LIPA: variants seen among roughly 807,000 people sequenced by gnomAD.
LIPA encodes lipase A, lysosomal acid type.
LIPA carries 26 observed loss-of-function variants against 40.6 expected under a neutral mutation model. The observed-to-expected ratio is 0.64, with a 90% confidence interval of 0.47 to 0.89. The LOEUF (loss-of-function observed/expected upper bound fraction) is 0.89. LIPA is among the 40% of genes least tolerant of loss of function. The probability of loss-of-function intolerance (pLI) is 0.00; values close to 1 mark genes in which losing one functional copy is unlikely to be tolerated. For synonymous variants in LIPA, 188 were observed against 168.4 expected, an observed-to-expected ratio of 1.12 and a Z score of -0.90; for missense variants, 455 against 479.6, an observed-to-expected ratio of 0.95 and a Z score of 0.48.
At chr10:89,377,716 A>G (rs1166130924) in intron 2 of LIPA, among the ~76,000 whole-genome samples, 1 of 152,208 alleles carries the variant, frequency 6.6e-6, no homozygotes, top group African/African-American at 2.4e-5. Flanking sequence ...GATACATGTG[A>G]TAGTAACAAG....
chr10:89,285,189 C>A, intron 1 of LIPA: 1 of 159,906 alleles, frequency 6.3e-6, no homozygotes, highest in Non-Finnish European at 1.3e-5. Context: ...CTCTTTGTTC[C>A]AAGAGAAAGA....
chr10:89,368,926 T>TCACACACACACACACACACA (rs3063812), intron 2 of LIPA, among the ~76,000 whole-genome samples: 5 of 148,704 alleles, frequency 3.4e-5, no homozygotes, highest in African/African-American at 1.2e-4. Flanking sequence ...AACACAAAAC[T>TCACACACACACACACACACA]CACACACACA....
chr10:89,322,252 A>G (rs751141795), intron 1 of LIPA, among the ~76,000 whole-genome samples: 1 of 152,140 alleles, frequency 6.6e-6, no homozygotes, highest in South Asian at 2.1e-4. Flanking sequence ...CGGGGTTAAG[A>G]TGGTAAACTA....
At chr10:89,262,896 T>A (rs1335747901) in intron 1 of LIPA, among the ~76,000 whole-genome samples, 1 of 152,256 alleles carries the variant, frequency 6.6e-6, no homozygotes, top group African/African-American at 2.4e-5. Context: ...TGACAATCAC[T>A]TTTTGTGAAG....
At chr10:89,310,857 C>T (rs574004035) in intron 1 of LIPA, among the ~76,000 whole-genome samples, 14 of 152,168 alleles carry the variant, frequency 9.2e-5, no homozygotes, top group Non-Finnish European at 1.9e-4. Flanking sequence ...TACAAATAGA[C>T]CCCAGAGCCT....
In LIPA at chr10:89,222,558, G is replaced by A. The variant is rs1842713812; in HGVS notation, c.847C>T (p.His283Tyr). Residue 283 changes from histidine (H) to tyrosine (Y), a missense_variant, in exon 8 of 10, where the codon CAT (histidine) becomes TAT (tyrosine). His to Tyr is a moderately conservative substitution (Grantham distance 83, BLOSUM62 2). Coordinates refer to ENST00000336233, the MANE Select transcript of LIPA (RefSeq NM_000235.4). The stretch of plus-strand genomic sequence containing the variant: ...TGCACAGAAGTTCCAGCAGGAGAAT[G>A]TGTTGTATATACATCCACTCTAGAC... ...NMSRVDVYTT[H>Y]SPAGTSVQNM... is the part of the protein sequence containing the mutation. The A allele has an allele frequency of 1.9e-6, 3 of 1,607,842 alleles. No homozygotes were observed. The highest frequency in any genetic ancestry group is 2.6e-6 in the Non-Finnish European group (3 of 1,174,242).
intron 3 of LIPA, among the ~76,000 whole-genome samples, chr10:89,229,354 A>C (rs1349997527): frequency 1.3e-5 from 2 of 152,230 alleles, no homozygotes; most frequent in East Asian, 3.8e-4. Context: ...AGACAGAGTA[A>C]AGAGGATTTT....
intron 1 of LIPA, among the ~76,000 whole-genome samples, chr10:89,282,024 G>A (rs60918860): frequency 0.023 from 3,506 of 152,242 alleles, 163 homozygotes; most frequent in African/African-American, 0.079. Flanking sequence ...TGCTGTTGAT[G>A]AGGCAAGAGT....
intron 1 of LIPA, among the ~76,000 whole-genome samples, chr10:89,309,963 G>A (rs138447995): frequency 4.6e-5 from 7 of 152,104 alleles, no homozygotes; most frequent in African/African-American, 7.2e-5. Context: ...TCATGAACCC[G>A]TTTATCAGAG....
intron 1 of LIPA, among the ~76,000 whole-genome samples, chr10:89,262,829 C>G (rs1253104224): frequency 6.6e-6 from 1 of 152,236 alleles, no homozygotes. Flanking sequence ...ATTCCAAACT[C>G]TTTCCTCACA....
intron 1 of LIPA, chr10:89,307,596 C>T (rs1180058792): frequency 4.5e-6 from 2 of 442,924 alleles, no homozygotes; most frequent in African/African-American, 1.9e-5. Flanking sequence ...GGTCCACGGG[C>T]TTGGTGATAG....
chr10:89,394,708 T>C (rs1844316029), intron 2 of LIPA, among the ~76,000 whole-genome samples: 1 of 151,194 alleles, frequency 6.6e-6, no homozygotes, highest in Admixed American at 6.6e-5. Flanking sequence ...ATCATTTTAA[T>C]TACTTTAAAG....
Position 89,409,455 on chromosome 10 carries a change from CA to C in LIPA, c.61+3335del, listed in dbSNP as rs558893911. 1.9e-3 allele frequency among the ~76,000 whole-genome samples: 294 copies of C among 152,300 alleles called. 2 individuals carry two copies. Among genetic ancestry groups the C allele is most frequent in the South Asian group, 0.011 (51 of 4,818 alleles). On this transcript the variant is annotated intron_variant, in intron 2 of 8. Transcript: ENST00000371837. Reference sequence around the variant, plus strand: ...TGTCCAAACAAGCTGCCCCCTCACCCATGTCCACTATGCCAAAGCAATCACT... The same window carrying C: ...TGTCCAAACAAGCTGCCCCCTCACCCTGTCCACTATGCCAAAGCAATCACT...
At position 89,305,557 on chromosome 10, in the gene LIPA, G is replaced by C. The variant is rs148449140; in HGVS notation, c.-2+37054C>G. Among the ~76,000 whole-genome samples, 60 of 152,170 alleles carry C rather than the reference G, an allele frequency of 3.9e-4. No homozygotes were observed. In the East Asian group the frequency reaches 0.011, roughly 28 times the overall value. ...AAATTATAAAGCTGAAATTTTCAAA[G>C]TACAAAAGTAAAGCTAGGGAAGAAT... On this transcript the variant is annotated intron_variant, in intron 1 of 5. Transcript: ENST00000282673.
intron 5 of LIPA, among the ~76,000 whole-genome samples, chr10:89,225,598 A>G (rs1177834804): frequency 6.6e-6 from 1 of 152,154 alleles, no homozygotes; most frequent in Non-Finnish European, 1.5e-5. Context: ...CCCTCCCCCA[A>G]AGAACAATTT....
At chr10:89,394,938 C>G (rs1299048428) in intron 2 of LIPA, among the ~76,000 whole-genome samples, 5 of 152,014 alleles carry the variant, frequency 3.3e-5, no homozygotes, top group African/African-American at 1.2e-4. Context: ...GAAACACATA[C>G]TATGTGGTTA....
At chr10:89,414,666 C>T, upstream of LIPA, 3 of 1,030,622 alleles carry the variant, frequency 2.9e-6, no homozygotes, top group Non-Finnish European at 4.0e-6. Flanking sequence ...CGGCCGAGTC[C>T]AGGGGCTGCA....
intron 1 of LIPA, among the ~76,000 whole-genome samples, chr10:89,331,858 CAAAAAAAA>C (rs10540155): frequency 1.2e-5 from 1 of 80,608 alleles, no homozygotes; most frequent in African/African-American, 4.4e-5. Flanking sequence ...GATCCTGTCT[CAAAAAAAA>C]AAAAAAAAAA....
chr10:89,261,572 A>G (rs952166160), intron 1 of LIPA, among the ~76,000 whole-genome samples: 6 of 152,136 alleles, frequency 3.9e-5, no homozygotes, highest in African/African-American at 1.4e-4. Flanking sequence ...AAAATATATA[A>G]TCCTGGCTTC....
Sources: allele counts gnomAD v4.1 joint callset (sites outside exome capture counted in the v4.1 genomes callset), GRCh38; gene constraint gnomAD v4.1.1; transcripts MANE v1.5; gene names NCBI Gene and HGNC (gene_info 2026-07-23, HGNC 2026-07-21).